The following SCRN3 variants were observed in gnomAD, a reference collection of about 807,000 sequenced individuals.
The protein encoded by SCRN3 is secernin-3.
In SCRN3, 39 loss-of-function variants were observed where a neutral mutation model predicts 43.1. That is an observed-to-expected ratio of 0.91 (90% CI 0.70 to 1.18). The LOEUF is 1.18. Among genes scored for constraint, SCRN3 ranks in the 50% most tolerant of loss-of-function variants. The probability of loss-of-function intolerance (pLI) is 0.00; values close to 1 mark genes in which losing one functional copy is unlikely to be tolerated. For missense variants in SCRN3, 484 were observed against 498.0 expected (o/e 0.97, Z 0.27); for synonymous variants, 147 against 163.1 (o/e 0.90, Z 0.75).
chr2:174,405,115 C>G, intron 5 of SCRN3, among the ~76,000 whole-genome samples: 2 of 32,740 alleles, frequency 6.1e-5, no homozygotes, highest in African/African-American at 2.1e-4. Context: ...CTCTCCAGCA[C>G]CTGTTGTTTC....
At chr2:174,419,893 C>T (rs1336042957) in intron 5 of SCRN3, among the ~76,000 whole-genome samples, 1 of 151,938 alleles carries the variant, frequency 6.6e-6, no homozygotes, top group Non-Finnish European at 1.5e-5. Context: ...GGTATTAGAC[C>T]AACTTCCTTC....
intron 1 of SCRN3, among the ~76,000 whole-genome samples, chr2:174,397,775 G>C (rs991058303): frequency 6.6e-6 from 1 of 152,120 alleles, no homozygotes; most frequent in African/African-American, 2.4e-5. Flanking sequence ...CTAGGTACAC[G>C]GATTCCCAAA....
chr2:174,409,807 T>A (rs1685836854), intron 5 of SCRN3, among the ~76,000 whole-genome samples: 1 of 142,888 alleles, frequency 7.0e-6, no homozygotes, highest in South Asian at 2.2e-4. Context: ...GAGCAGGCAG[T>A]CTGCCGGTTC....
In SCRN3 at chr2:174,425,842, G is replaced by T. The variant is rs192473913; in HGVS notation, c.1092+1193G>T. ...GCTCTGTAAATAACTACTTTTGTGT[G>T]TTAGGGAGAGTCAATCCTATTGGTA... On this transcript the variant is annotated intron_variant, in intron 7 of 7. Transcript: ENST00000272732. Among the ~76,000 whole-genome samples the T allele has an allele frequency of 8.9e-4, 135 of 152,210 alleles. No individual in the cohort carries two copies. The Middle Eastern group carries it at 0.01, about 12-fold the overall frequency.
chr2:174,416,391 C>A (rs942489577), intron 5 of SCRN3, among the ~76,000 whole-genome samples: 1 of 152,144 alleles, frequency 6.6e-6, no homozygotes, highest in African/African-American at 2.4e-5. Context: ...TGCTGGGAAC[C>A]AGTGAACAGT....
rs760374087 is a variant in SCRN3 at position 174,400,054 on chromosome 2, A to C, written c.292A>C (p.Arg98=). The part of the protein sequence containing the change: ...VCIGNEAVWG[R]EEVCDEEALL... ...CATTGGGAATGAAGCTGTATGGGGA[A>C]GAGAAGAAGTTTGTGATGAAGAAGC... The change falls in exon 3 of 8, where the codon AGA becomes CGA. Residue 98 remains arginine, a synonymous_variant. Transcript: ENST00000272732. 1.0e-5 allele frequency: 16 copies of C among 1,596,898 alleles called. No homozygotes were observed. Among genetic ancestry groups the C allele is most frequent in the Non-Finnish European group, 1.4e-5 (16 of 1,173,942 alleles).
In SCRN3 at chr2:174,400,996, C is replaced by G. The variant is rs370616137; in HGVS notation, c.348C>G (p.Gly116=). The change falls in exon 4 of 8, where the codon GGC becomes GGG. Residue 116 remains glycine, a synonymous_variant. Transcript: ENST00000272732. ...ALLGMDLVRL[G]LERADTAEKA... is the part of the protein sequence containing the mutation. ...CTTTATATTTTTGTTTTAGACTTGGCCTTGAAAGAGCTGATACAGCTGAAA... is the reference window on the plus strand; with the variant it reads ...CTTTATATTTTTGTTTTAGACTTGGGCTTGAAAGAGCTGATACAGCTGAAA... 6.2e-7 allele frequency: 1 copy of G among 1,607,658 alleles called. No individual in the cohort carries two copies. Among genetic ancestry groups the G allele is most frequent in the Admixed American group, 1.7e-5 (1 of 59,652 alleles).
intron 6 of SCRN3, among the ~76,000 whole-genome samples, chr2:174,424,239 G>A (rs1038499438): frequency 6.6e-6 from 1 of 152,148 alleles, no homozygotes; most frequent in East Asian, 1.9e-4. Context: ...TATGTGCCAG[G>A]TCCTCTGTTA....
chr2:174,421,336 G>C (rs1686286638), intron 5 of SCRN3, among the ~76,000 whole-genome samples: 1 of 152,184 alleles, frequency 6.6e-6, no homozygotes, highest in African/African-American at 2.4e-5. Context: ...CGCAGGAGTA[G>C]ATGAAGAGCA....
chr2:174,408,665 A>AATC (rs1685785289), intron 5 of SCRN3, among the ~76,000 whole-genome samples: 1 of 139,502 alleles, frequency 7.2e-6, no homozygotes, highest in African/African-American at 2.6e-5. Context: ...TGGTGACAAA[A>AATC]TCGGTCAGCA....
chr2:174,427,157 A>G (rs1686515132), intron 7 of SCRN3, among the ~76,000 whole-genome samples: 1 of 152,180 alleles, frequency 6.6e-6, no homozygotes, highest in Non-Finnish European at 1.5e-5. Context: ...CTTTTTCTTT[A>G]GATAAGTACC....
rs1395442578 is a variant in SCRN3, at chr2:174,428,612, G to T, written c.*717G>T. On this transcript the variant is annotated 3_prime_UTR_variant, in exon 8 of 8. Coordinates refer to ENST00000272732, the MANE Select transcript of SCRN3 (RefSeq NM_024583.5). ...AAGAACCAAAACCTTAGGATATACT[G>T]TTTCTGGGTCTGAAATCTCTCTCAT... 6.6e-6 allele frequency: 1 copy of T among 152,108 alleles called. No individual in the cohort carries two copies. Among genetic ancestry groups the T allele is most frequent in the African/African-American group, 2.4e-5 (1 of 41,430 alleles). 9.4% of individuals were successfully genotyped at this position (152,108 alleles called of 1,614,324 possible). A position where few individuals can be genotyped will look rare whatever the true frequency, so the allele number is the denominator to read the frequency against.
Position 174,401,101 on chromosome 2 carries a change from C to T in SCRN3, c.453C>T (p.Ser151=), listed in dbSNP as rs903526052. The T allele has an allele frequency of 1.9e-6, 3 of 1,613,762 alleles. No individual in the cohort carries two copies. Among genetic ancestry groups the T allele is most frequent in the Non-Finnish European group, 1.7e-6 (2 of 1,179,920 alleles). Residue 151 remains serine, a synonymous_variant, in exon 4 of 8, where the codon AGC becomes AGT. Transcript: ENST00000272732. ...GCACAGAGGGTAGAATGGTATTTAG[C>T]TATCACAACAGTTTCCTGATAGCTG... ...GNCTEGRMVF[S]YHNSFLIADR... is the part of the protein sequence containing the mutation.
At chr2:174,400,841 G>C (rs1172873783) in intron 3 of SCRN3, 149 bp from the exon 4 acceptor site, 1 of 683,472 alleles carries the variant, frequency 1.5e-6, no homozygotes, top group African/African-American at 1.8e-5. Flanking sequence ...ACTGACTTCA[G>C]AAGGAAAAGT....
chr2:174,402,173 A>C (rs1241016627), intron 4 of SCRN3, among the ~76,000 whole-genome samples: 1 of 152,206 alleles, frequency 6.6e-6, no homozygotes, highest in Non-Finnish European at 1.5e-5. Flanking sequence ...AATTGGCTTG[A>C]TAATACCATT....
At chr2:174,426,942 C>T (rs1334454301) in intron 7 of SCRN3, among the ~76,000 whole-genome samples, 1 of 151,966 alleles carries the variant, frequency 6.6e-6, no homozygotes, top group African/African-American at 2.4e-5. Flanking sequence ...AAGCGATTCT[C>T]CTGCCTCAGC....
chr2:174,401,276 A>C (rs961653191), intron 4 of SCRN3, 87 bp downstream of exon 4: 1 of 1,034,914 alleles, frequency 9.7e-7, no homozygotes, highest in Non-Finnish European at 1.4e-6. Context: ...ATTGCTTCCA[A>C]GATTAATAAT....
Position 174,401,121 on chromosome 2 carries a change from T to G in SCRN3, c.473T>G (p.Ile158Arg). Residue 158 changes from isoleucine (I) to arginine (R), a missense_variant, in exon 4 of 8, where the codon ATA (isoleucine) becomes AGA (arginine). Coordinates refer to ENST00000272732, the MANE Select transcript of SCRN3 (RefSeq NM_024583.5). ...MVFSYHNSFL[I>R]ADRNEAWILE... ...TTTAGCTATCACAACAGTTTCCTGATAGCTGATAGGAATGAAGCCTGGATT... is the reference window on the plus strand; with the variant it reads ...TTTAGCTATCACAACAGTTTCCTGAGAGCTGATAGGAATGAAGCCTGGATT... 1 of 1,613,982 alleles carries G rather than the reference T, an allele frequency of 6.2e-7. No individual in the cohort carries two copies. Among genetic ancestry groups the G allele is most frequent in the East Asian group, 2.2e-5 (1 of 44,862 alleles).
rs747683448 is a variant in SCRN3, at chr2:174,427,933, A to C, written c.*38A>C. ...CAGCTAATATTAGTTCTTAGTGATC[A>C]GTGGTCAGTAATCTTCAAAGTCAGA... On this transcript the variant is annotated 3_prime_UTR_variant, in exon 8 of 8. Coordinates refer to ENST00000272732, the MANE Select transcript of SCRN3 (RefSeq NM_024583.5). The C allele has an allele frequency of 7.4e-7, 1 of 1,347,220 alleles. No individual in the cohort carries two copies. The highest frequency in any genetic ancestry group is 1.0e-6 in the Non-Finnish European group (1 of 958,802). The allele number at this position is 1,347,220 out of a possible 1,614,324, so 83.5% of individuals were successfully genotyped here. A position where few individuals can be genotyped will look rare whatever the true frequency, so the allele number is the denominator to read the frequency against.
Sources: allele counts gnomAD v4.1 joint callset (sites outside exome capture counted in the v4.1 genomes callset), GRCh38; gene constraint gnomAD v4.1.1; transcripts MANE v1.5; gene names NCBI Gene and HGNC (gene_info 2026-07-23, HGNC 2026-07-21).